Variants in NAV2 observed in about 807,000 individuals in gnomAD.
NAV2 encodes the protein neuron navigator 2, also known as helicase, APC down-regulated 1.
NAV2 carries 54 observed loss-of-function variants against 223.2 expected under a neutral mutation model. That is an observed-to-expected ratio of 0.24 (90% CI 0.19 to 0.30). The LOEUF (loss-of-function observed/expected upper bound fraction) is 0.30. Among genes scored for constraint, NAV2 ranks in the 10% least tolerant of loss-of-function variants. The pLI is 1.00. For missense variants in NAV2, 2,806 were observed against 3,147.5 expected, an observed-to-expected ratio of 0.89 and a Z score of 2.60; for synonymous variants, 1,279 against 1,239.3, an observed-to-expected ratio of 1.03 and a Z score of -0.67.
intron 1 of NAV2, among the ~76,000 whole-genome samples, chr11:19,556,310 A>C (rs2044889620): frequency 6.6e-6 from 1 of 152,244 alleles, no homozygotes; most frequent in African/African-American, 2.4e-5. Flanking sequence ...CCACCATTAA[A>C]AATTATGTGT....
chr11:19,899,958 C>T (rs1248197061), intron 6 of NAV2, among the ~76,000 whole-genome samples: 1 of 152,128 alleles, frequency 6.6e-6, no homozygotes, highest in African/African-American at 2.4e-5. Flanking sequence ...ATCAAGAGAT[C>T]TTTGTCATTG....
intron 1 of NAV2, chr11:19,351,084 T>C: frequency 1.4e-6 from 2 of 1,472,766 alleles, no homozygotes; most frequent in Non-Finnish European, 1.9e-6. Flanking sequence ...CTAAGTGTGA[T>C]TCAGAGAGCA....
chr11:19,866,957 G>C (rs1430743805), intron 3 of NAV2, among the ~76,000 whole-genome samples: 1 of 152,044 alleles, frequency 6.6e-6, no homozygotes, highest in Non-Finnish European at 1.5e-5. Flanking sequence ...GAGAATGATA[G>C]GAAAAGGCAA....
intron 1 of NAV2, among the ~76,000 whole-genome samples, chr11:19,464,701 G>A (rs1852288279): frequency 6.6e-6 from 1 of 152,166 alleles, no homozygotes; most frequent in African/African-American, 2.4e-5. Context: ...TCTGTCAGAG[G>A]GATGTGCCTT....
intron 1 of NAV2, among the ~76,000 whole-genome samples, chr11:19,612,227 G>A (rs1001247551): frequency 1.6e-4 from 25 of 152,198 alleles, no homozygotes; most frequent in African/African-American, 5.5e-4. Flanking sequence ...GCCCATGAGA[G>A]CATTTTTTCC....
chr11:20,013,589 AG>A (rs749308912), intron 11 of NAV2, among the ~76,000 whole-genome samples: 134 of 152,250 alleles, frequency 8.8e-4, no homozygotes, highest in Admixed American at 4.6e-3. Flanking sequence ...GAAATACCAA[AG>A]CTAAGGTATA....
chr11:19,495,557 C>T (rs1391998457), intron 1 of NAV2, among the ~76,000 whole-genome samples: 1 of 152,168 alleles, frequency 6.6e-6, no homozygotes, highest in Non-Finnish European at 1.5e-5. Flanking sequence ...TAGAAATGAG[C>T]TGTCATTCAT....
chr11:19,566,323 C>T (rs1265599909), intron 1 of NAV2, among the ~76,000 whole-genome samples: 1 of 152,086 alleles, frequency 6.6e-6, no homozygotes, highest in African/African-American at 2.4e-5. Context: ...AGCAATTCAC[C>T]CACCTCGGCC....
rs575420013 is a variant in NAV2 at position 19,378,497 on chromosome 11, C to T, written c.75+27470C>T. The stretch of plus-strand genomic sequence containing the variant: ...CTGAATCGCTGATAGATGCCATGCA[C>T]GGAATCAGCGCGCACCCTTAATAAA... On this transcript the variant is annotated intron_variant, in intron 1 of 37. Coordinates refer to the NAV2 transcript ENST00000360655. 4.6e-5 allele frequency among the ~76,000 whole-genome samples: 7 copies of T among 151,844 alleles called. No individual in the cohort carries two copies. In the South Asian group the frequency reaches 1.5e-3, roughly 32 times the overall value.
At chr11:20,064,500 G>GT (rs2058911926) in intron 20 of NAV2, among the ~76,000 whole-genome samples, 1 of 152,152 alleles carries the variant, frequency 6.6e-6, no homozygotes, top group Non-Finnish European at 1.5e-5. Flanking sequence ...TTCCAGAAGA[G>GT]TAAAAAAATG....
At chr11:19,690,211 C>T (rs1209109487) in intron 1 of NAV2, among the ~76,000 whole-genome samples, 1 of 152,192 alleles carries the variant, frequency 6.6e-6, no homozygotes, top group Non-Finnish European at 1.5e-5. Flanking sequence ...ATCCACCCAC[C>T]TCCGCCTCCC....
At chr11:19,980,188 A>G (rs2050172116) in intron 10 of NAV2, among the ~76,000 whole-genome samples, 1 of 152,172 alleles carries the variant, frequency 6.6e-6, no homozygotes, top group African/African-American at 2.4e-5. Context: ...TCCCTTTAGC[A>G]GAGGCTCTGA....
intron 10 of NAV2, among the ~76,000 whole-genome samples, chr11:19,952,222 G>A (rs7131051): frequency 0.33 from 49,895 of 152,102 alleles, 8,923 homozygotes; most frequent in Admixed American, 0.4. Context: ...AGGCATTGTT[G>A]AGGCAATTGA....
intron 6 of NAV2, among the ~76,000 whole-genome samples, chr11:19,909,215 C>T (rs2043116615): frequency 6.6e-6 from 1 of 152,140 alleles, no homozygotes; most frequent in Admixed American, 6.6e-5. Flanking sequence ...ATTTCTGGTC[C>T]TCCTTTCCCT....
intron 10 of NAV2, among the ~76,000 whole-genome samples, chr11:19,966,760 G>T (rs1315914827): frequency 6.6e-6 from 1 of 152,142 alleles, no homozygotes; most frequent in African/African-American, 2.4e-5. Context: ...GTTTCCAAAC[G>T]CCTGGTAACA....
chr11:19,860,844 C>G (rs1380390472), intron 3 of NAV2, among the ~76,000 whole-genome samples: 3 of 152,150 alleles, frequency 2.0e-5, no homozygotes, highest in East Asian at 3.9e-4. Context: ...GCCCGGCCAA[C>G]ACAGCGAAAC....
At chr11:19,680,709 A>G (rs887308314) in intron 1 of NAV2, among the ~76,000 whole-genome samples, 29 of 152,222 alleles carry the variant, frequency 1.9e-4, no homozygotes, top group African/African-American at 6.5e-4. Context: ...CCTATATAAG[A>G]GGGTTCCTGT....
rs368642092 is a variant in NAV2 at position 20,046,462 on chromosome 11, G to A, written c.3902+792G>A. Among the ~76,000 whole-genome samples the A allele has an allele frequency of 3.4e-4, 51 of 152,098 alleles. No individual in the cohort carries two copies. In the South Asian group the frequency reaches 0.01, roughly 30 times the overall value. ...TTCTTGTGTTAATAATTCTTCAGCTGAGCTTCCTCATTATGGCAGGCAGTG... is the reference window on the plus strand; with the variant it reads ...TTCTTGTGTTAATAATTCTTCAGCTAAGCTTCCTCATTATGGCAGGCAGTG... On this transcript the variant is annotated intron_variant, in intron 14 of 37. Transcript: ENST00000349880.
rs1347416108 is a variant in NAV2, at chr11:20,049,837, C to T, written c.4372C>T (p.Pro1458Ser). Residue 1458 changes from proline to serine, a missense_variant and splice_region_variant, in exon 16 of 38, where the codon CCT (proline) becomes TCT (serine). By Grantham distance (74) the Pro-to-Ser change is moderately conservative (BLOSUM62 -1). Around this residue, in one of 4 missense-constraint regions of NAV2, gnomAD observed 742 missense variants for 777.9 expected, o/e 0.95. Transcript: ENST00000349880. Reference protein sequence around the residue: ...NSVKTTLSESPLSSPAASPKF... With the variant: ...NSVKTTLSESSLSSPAASPKF... ...TTTTCTACCTGCCTGGACTTCTAGC[C>T]CTCTCTCTTCCCCTGCTGCTAGCCC... 3 of 1,614,020 alleles carry T rather than the reference C, an allele frequency of 1.9e-6. No homozygotes were observed. Among genetic ancestry groups the T allele is most frequent in the Admixed American group, 3.3e-5 (2 of 60,022 alleles).
Sources: gnomAD v4.1 joint callset for allele counts (sites outside exome capture counted in the v4.1 genomes callset) on GRCh38, gnomAD v4.1.1 for gene constraint, gnomAD v4.1.1 regional missense constraint, MANE v1.5 for transcripts, NCBI Gene and HGNC (gene_info 2026-07-23, HGNC 2026-07-21) for gene names.